Variants in GARNL3 observed in about 807,000 individuals in gnomAD.
GARNL3 encodes GTPase-activating Rap/Ran-GAP domain-like protein 3.
In GARNL3, 63 loss-of-function variants were observed where a neutral mutation model predicts 125.0. The ratio of observed to expected loss-of-function variants is 0.50; its 90% confidence interval spans 0.41 to 0.62. The LOEUF (loss-of-function observed/expected upper bound fraction) is 0.62, where lower values mean the gene tolerates loss of function less well. Among genes scored for constraint, GARNL3 ranks in the 20% least tolerant of loss-of-function variants. GARNL3 has a pLI of 0.00. For missense variants in GARNL3, 994 were observed against 1,244.0 expected (o/e 0.80, Z 3.02); for synonymous variants, 439 against 457.5 (o/e 0.96, Z 0.52).
chr9:127,295,911 A>T (rs141244039), intron 2 of GARNL3, among the ~76,000 whole-genome samples: 1 of 152,286 alleles, frequency 6.6e-6, no homozygotes, highest in African/African-American at 2.4e-5. Flanking sequence ...ATTGTAATAT[A>T]TAATGAAATA....
intron 2 of GARNL3, among the ~76,000 whole-genome samples, chr9:127,304,324 G>T (rs1456767843): frequency 1.3e-5 from 2 of 152,076 alleles, no homozygotes; most frequent in Non-Finnish European, 2.9e-5. Context: ...CTAAAAGTTT[G>T]GTCAGAGAAC....
rs1436146891 is a variant in GARNL3 at position 127,354,404 on chromosome 9, A to G, written c.1753A>G (p.Thr585Ala). 3 of 1,595,172 alleles carry G rather than the reference A, an allele frequency of 1.9e-6. No individual in the cohort carries two copies. The highest frequency in any genetic ancestry group is 2.6e-6 in the Non-Finnish European group (3 of 1,163,838). ...CTGCAGAGAAAACAAGTTGGAGAAA[A>G]CAAAAGGTGACTTGATAGATTGGTA... is the stretch of plus-strand genomic sequence containing the variant. Reference protein sequence around the residue: ...SDCRENKLEKTKGCHLYAINT... With the variant: ...SDCRENKLEKAKGCHLYAINT... Residue 585 changes from threonine (T) to alanine (A), a missense_variant, in exon 19 of 28, where the codon ACA (threonine) becomes GCA (alanine). This residue lies in a region of GARNL3 where 728 missense variants were observed against 865.7 expected (regional missense o/e 0.84). Coordinates refer to ENST00000373387, the MANE Select transcript of GARNL3 (RefSeq NM_032293.5).
intron 2 of GARNL3, among the ~76,000 whole-genome samples, chr9:127,299,931 T>C (rs2064732700): frequency 6.6e-6 from 1 of 151,872 alleles, no homozygotes; most frequent in Non-Finnish European, 1.5e-5. Flanking sequence ...ATTGAACTCC[T>C]GACCTCAGGT....
intron 13 of GARNL3, among the ~76,000 whole-genome samples, chr9:127,340,463 C>A (rs563877742): frequency 2.0e-5 from 3 of 151,068 alleles, no homozygotes; most frequent in South Asian, 2.2e-4. Context: ...AGCCGCACGC[C>A]CTGGCAGGGC....
At chr9:127,372,416 T>C (rs972359049) in intron 22 of GARNL3, among the ~76,000 whole-genome samples, 10 of 152,248 alleles carry the variant, frequency 6.6e-5, no homozygotes, top group Admixed American at 6.5e-4. Flanking sequence ...TTTAGTCTAC[T>C]ATGTATTCTT....
intron 20 of GARNL3, 73 bp downstream of exon 20, chr9:127,355,545 G>C: frequency 1.4e-6 from 2 of 1,434,278 alleles, no homozygotes; most frequent in South Asian, 1.2e-5. Flanking sequence ...TCCACCCAGA[G>C]TTTGTTACCC....
chr9:127,373,988 A>G (rs1184948361), intron 22 of GARNL3, among the ~76,000 whole-genome samples: 1 of 152,068 alleles, frequency 6.6e-6, no homozygotes, highest in Non-Finnish European at 1.5e-5. Flanking sequence ...CCTGGGTGAC[A>G]GAGTGAGACT....
intron 22 of GARNL3, among the ~76,000 whole-genome samples, chr9:127,368,111 G>A (rs1831388916): frequency 6.8e-6 from 1 of 146,664 alleles, no homozygotes. Flanking sequence ...TGCCTCCCAG[G>A]TTCAAGCGAT....
At chr9:127,390,489 A>G in intron 26 of GARNL3, 152 bp from the exon 27 acceptor site, 1 of 761,610 alleles carries the variant, frequency 1.3e-6, no homozygotes, top group Non-Finnish European at 2.1e-6. Context: ...CCAACCAGAA[A>G]ACCAATAATT....
intron 2 of GARNL3, among the ~76,000 whole-genome samples, chr9:127,296,622 C>T (rs997373261): frequency 6.6e-6 from 1 of 151,882 alleles, no homozygotes; most frequent in Non-Finnish European, 1.5e-5. Flanking sequence ...CAGGCACCCA[C>T]CATTGTATCC....
chr9:127,316,448 C>T (rs2065242468), intron 4 of GARNL3, among the ~76,000 whole-genome samples: 1 of 152,090 alleles, frequency 6.6e-6, no homozygotes, highest in Admixed American at 6.5e-5. Context: ...AAGGTAGGAT[C>T]TAAGCTAGAG....
chr9:127,373,891 A>G (rs1418372288), intron 22 of GARNL3, among the ~76,000 whole-genome samples: 7 of 152,206 alleles, frequency 4.6e-5, no homozygotes, highest in African/African-American at 1.4e-4. Flanking sequence ...CTGCAATCCC[A>G]GCTACTTGGG....
At position 127,364,661 on chromosome 9, in the gene GARNL3, C is replaced by G. The variant is rs1831185713; in HGVS notation, c.2095-639C>G. The G allele has an allele frequency of 6.6e-6, 1 of 152,280 alleles. No homozygotes were observed. The highest frequency in any genetic ancestry group is 2.4e-5 in the African/African-American group (1 of 41,424). 9.4% of individuals were successfully genotyped at this position (152,280 alleles called of 1,614,324 possible). A position where few individuals can be genotyped will look rare whatever the true frequency, so the allele number is the denominator to read the frequency against. On this transcript the variant is annotated intron_variant, in intron 21 of 27. Transcript: ENST00000373387. This position sits in a 1 kb window ranked among gnomAD's most constrained non-coding sequence, Gnocchi z 4.2. ...TGTTCTGACACCCTTTTCATTGCAC[C>G]ATGCTGCCTCTCTTGACATGAAGAA...
chr9:127,332,160 C>T, intron 7 of GARNL3, 114 bp from the exon 8 acceptor site: 1 of 726,616 alleles, frequency 1.4e-6, no homozygotes, highest in East Asian at 2.5e-5. Context: ...GAAGGGATCC[C>T]CTGACTGTCC....
In GARNL3 at chr9:127,333,823, G is replaced by C. The variant is rs544387750; in HGVS notation, c.769+702G>C. Among the ~76,000 whole-genome samples, 3 of 152,274 alleles carry C rather than the reference G, an allele frequency of 2.0e-5. No homozygotes were observed. In the East Asian group the frequency reaches 5.8e-4, roughly 29 times the overall value. ...GGGGCATGACCCTGAAGGGAGTTTT[G>C]AGGTTATATTAATAAGTCTGCATTT... On this transcript the variant is annotated intron_variant, in intron 9 of 27. Transcript: ENST00000373387.
chr9:127,269,786 G>GTT (rs57287183), intron 1 of GARNL3, among the ~76,000 whole-genome samples: 5,024 of 129,722 alleles, frequency 0.039, 136 homozygotes, highest in African/African-American at 0.067. Context: ...TGTTTTTTGT[G>GTT]TTTTTTTTTT....
chr9:127,382,669 G>A (rs1397931817), intron 22 of GARNL3, among the ~76,000 whole-genome samples: 1 of 152,088 alleles, frequency 6.6e-6, no homozygotes, highest in Non-Finnish European at 1.5e-5. Context: ...TGTAATAAAT[G>A]GGGCCTTTGT....
At chr9:127,287,717 C>T (rs925230628) in intron 1 of GARNL3, among the ~76,000 whole-genome samples, 5 of 152,232 alleles carry the variant, frequency 3.3e-5, no homozygotes, top group African/African-American at 1.2e-4. Flanking sequence ...CAGGCAGGTC[C>T]TGCCAGCATG....
chr9:127,358,968 G>GT lies in GARNL3; in HGVS notation c.2094+1591_2094+1592insT, dbSNP rs1223035206. Among the ~76,000 whole-genome samples the GT allele has an allele frequency of 3.3e-5, 5 of 151,942 alleles. No individual in the cohort carries two copies. The East Asian group carries it at 5.8e-4, about 18-fold the overall frequency. On this transcript the variant is annotated intron_variant, in intron 21 of 27. Coordinates refer to ENST00000373387, the MANE Select transcript of GARNL3 (RefSeq NM_032293.5). ...GCCAAGCCAATTATATCAGAATCTGGGGGGGTGTGGTACTTGAGAACCAAT... is the reference window on the plus strand; with the variant it reads ...GCCAAGCCAATTATATCAGAATCTGGTGGGGGTGTGGTACTTGAGAACCAAT...
Sources: allele counts gnomAD v4.1 joint callset (sites outside exome capture counted in the v4.1 genomes callset), GRCh38; gene constraint gnomAD v4.1.1; regional missense constraint gnomAD v4.1.1; non-coding constraint Gnocchi (gnomAD v3.1); transcripts MANE v1.5; gene names NCBI Gene and HGNC (gene_info 2026-07-23, HGNC 2026-07-21).